The following AGBL1 variants were observed in gnomAD, a reference collection of about 807,000 sequenced individuals.
AGBL1 encodes cytosolic carboxypeptidase 4.
AGBL1 carries 130 observed loss-of-function variants against 118.9 expected under a neutral mutation model. The observed-to-expected ratio is 1.09, with a 90% CI of 0.95 to 1.26. The LOEUF is 1.26. Among genes scored for constraint, AGBL1 ranks in the 50% most tolerant of loss-of-function variants. AGBL1 has a pLI of 0.00. For synonymous variants in AGBL1, 555 were observed against 478.9 expected (o/e 1.16, Z -2.08); for missense variants, 1,584 against 1,298.1 (o/e 1.22, Z -3.38).
At chr15:86,744,771 A>T (rs1319880545) in intron 22 of AGBL1, among the ~76,000 whole-genome samples, 1 of 152,146 alleles carries the variant, frequency 6.6e-6, no homozygotes, top group Non-Finnish European at 1.5e-5. Flanking sequence ...GTTATTTTCT[A>T]TCAGTTGAGT....
chr15:86,734,946 A>G (rs747165742), intron 22 of AGBL1, among the ~76,000 whole-genome samples: 1 of 152,112 alleles, frequency 6.6e-6, no homozygotes, highest in African/African-American at 2.4e-5. Context: ...CCACAAACAC[A>G]TATACATGCC....
intron 22 of AGBL1, among the ~76,000 whole-genome samples, chr15:86,750,212 C>G (rs1437719383): frequency 2.0e-5 from 3 of 151,712 alleles, no homozygotes; most frequent in African/African-American, 7.3e-5. Context: ...TTATTAATAC[C>G]AAAAGGAGTC....
intron 21 of AGBL1, among the ~76,000 whole-genome samples, chr15:86,577,828 G>A (rs2084114442): frequency 3.9e-5 from 1 of 25,500 alleles, no homozygotes. Flanking sequence ...GTGCACAGAA[G>A]TCAAGAACTG....
At chr15:86,626,261 T>C (rs1253334305) in intron 21 of AGBL1, among the ~76,000 whole-genome samples, 1 of 152,128 alleles carries the variant, frequency 6.6e-6, no homozygotes, top group Non-Finnish European at 1.5e-5. Context: ...TCCACCTAAA[T>C]GCCCATCAAC....
chr15:86,705,906 G>C (rs2086441075), intron 22 of AGBL1, among the ~76,000 whole-genome samples: 1 of 151,960 alleles, frequency 6.6e-6, no homozygotes, highest in South Asian at 2.1e-4. Context: ...GCAACATGGT[G>C]TTATATGTGG....
At chr15:86,507,674 A>G (rs931234192) in intron 18 of AGBL1, among the ~76,000 whole-genome samples, 5 of 152,130 alleles carry the variant, frequency 3.3e-5, no homozygotes, top group African/African-American at 9.7e-5. Flanking sequence ...GAAACTTGAG[A>G]GAGTAAACCA....
intron 21 of AGBL1, among the ~76,000 whole-genome samples, chr15:86,620,661 C>A (rs1267481746): frequency 6.6e-6 from 1 of 152,158 alleles, no homozygotes; most frequent in African/African-American, 2.4e-5. Flanking sequence ...CAATTTCCTA[C>A]CTTGCCCTGC....
intron 21 of AGBL1, among the ~76,000 whole-genome samples, chr15:86,667,632 G>T (rs1034224858): frequency 1.3e-5 from 2 of 151,852 alleles, no homozygotes; most frequent in South Asian, 2.1e-4. Context: ...TGTTTGATAT[G>T]TAAACTCAGA....
At chr15:86,152,210 A>G (rs1347896308) in intron 3 of AGBL1, among the ~76,000 whole-genome samples, 3 of 152,234 alleles carry the variant, frequency 2.0e-5, no homozygotes, top group African/African-American at 7.2e-5. Flanking sequence ...TGCATTGCCA[A>G]GACAATCCTA....
At chr15:86,644,636 C>CAAAAA (rs202060119) in intron 21 of AGBL1, among the ~76,000 whole-genome samples, 1 of 112,084 alleles carries the variant, frequency 8.9e-6, no homozygotes. Context: ...GGCCTGAACT[C>CAAAAA]AAAAAAAAAA....
At chr15:86,471,327 A>G (rs1050348387) in intron 18 of AGBL1, among the ~76,000 whole-genome samples, 2 of 152,148 alleles carry the variant, frequency 1.3e-5, no homozygotes, top group African/African-American at 2.4e-5. Flanking sequence ...CCTTCATTCT[A>G]TTAAGATGGT....
chr15:86,767,212 T>C (rs2078108511), intron 22 of AGBL1, among the ~76,000 whole-genome samples: 1 of 151,958 alleles, frequency 6.6e-6, no homozygotes, highest in Admixed American at 6.6e-5. Flanking sequence ...CCTGAGAATC[T>C]ATGGAACTAG....
chr15:86,346,764 T>C (rs1211637297), intron 17 of AGBL1, among the ~76,000 whole-genome samples: 1 of 152,134 alleles, frequency 6.6e-6, no homozygotes, highest in Non-Finnish European at 1.5e-5. Context: ...TTCTGAAAAA[T>C]GGACCTTTTG....
In AGBL1 at chr15:86,247,751, A is replaced by G. The variant is rs1329062309; in HGVS notation, c.607A>G (p.Thr203Ala). The change falls in exon 7 of 23, where the codon ACA becomes GCA. Residue 203 changes from threonine (T) to alanine (A), a missense_variant. Transcript: ENST00000614907. ...GLHQDWHSHD[T>A]ANAYVQIRRG... is the part of the protein sequence containing the mutation. Reference sequence around the variant, plus strand: ...GCACCAGGACTGGCACAGCCATGACACAGCCAACGCCTACGTGCAGATCCG... The same window carrying G: ...GCACCAGGACTGGCACAGCCATGACGCAGCCAACGCCTACGTGCAGATCCG... 3.1e-6 allele frequency: 5 copies of G among 1,613,896 alleles called. No homozygotes were observed. The highest frequency in any genetic ancestry group is 2.2e-5 in the East Asian group (1 of 44,878).
At chr15:86,975,325 GCA>G (rs2081164014) in intron 23 of AGBL1, among the ~76,000 whole-genome samples, 1 of 152,034 alleles carries the variant, frequency 6.6e-6, no homozygotes, top group Non-Finnish European at 1.5e-5. Context: ...AGGCAAGAGA[GCA>G]TGTGCAGGGA....
At chr15:86,454,444 A>C (rs997283265) in intron 18 of AGBL1, among the ~76,000 whole-genome samples, 25 of 152,322 alleles carry the variant, frequency 1.6e-4, no homozygotes, top group African/African-American at 6.0e-4. Context: ...ACATGTCCAC[A>C]TGATTGCTCA....
At chr15:86,978,500 T>C (rs6496374) in intron 23 of AGBL1, among the ~76,000 whole-genome samples, 101,966 of 151,906 alleles carry the variant, frequency 0.67, 37,678 homozygotes, top group East Asian at 0.87. Flanking sequence ...TAAGTACTCG[T>C]GCAGCCCTAC....
At chr15:86,229,478 C>G (rs1037270260) in intron 6 of AGBL1, among the ~76,000 whole-genome samples, 1 of 152,188 alleles carries the variant, frequency 6.6e-6, no homozygotes, top group African/African-American at 2.4e-5. Context: ...TCAATTACCT[C>G]CCACCAGGTC....
chr15:86,753,397 CTT>C (rs1555446759), intron 22 of AGBL1, among the ~76,000 whole-genome samples: 127 of 111,276 alleles, frequency 1.1e-3, no homozygotes, highest in African/African-American at 3.7e-3. Flanking sequence ...TTTTCTTTTT[CTT>C]TTTTTTTTTT....
Sources: allele counts gnomAD v4.1 joint callset (sites outside exome capture counted in the v4.1 genomes callset), GRCh38; gene constraint gnomAD v4.1.1; transcripts MANE v1.5; gene names NCBI Gene and HGNC (gene_info 2026-07-23, HGNC 2026-07-21).